The following ZNF90 variants were observed in gnomAD, a reference collection of about 807,000 sequenced individuals.
ZNF90 encodes the protein zinc finger protein HTF9.
In ZNF90, 11 loss-of-function variants were observed where a neutral mutation model predicts 12.0. The ratio of observed to expected loss-of-function variants is 0.92; its 90% CI spans 0.58 to 1.52. ZNF90 has a LOEUF of 1.52. ZNF90 is among the 40% of genes most tolerant of loss of function. ZNF90 has a pLI of 0.00. For synonymous variants in ZNF90, 232 were observed against 240.1 expected (o/e 0.97, Z 0.31); for missense variants, 765 against 711.5 (o/e 1.08, Z -0.86).
In ZNF90 at chr19:20,119,513, T is replaced by C. The variant is rs898293402; in HGVS notation, c.*153T>C. On this transcript the variant is annotated 3_prime_UTR_variant, in exon 4 of 4. Transcript: ENST00000418063. ...ATAACTCCTACAAAAATAAAGAATG[T>C]GACAAATCATTTTAAGGAAGTTCTC... The C allele has an allele frequency of 8.4e-6, 6 of 712,142 alleles. No individual in the cohort carries two copies. Among genetic ancestry groups the C allele is most frequent in the Non-Finnish European group, 1.4e-5 (6 of 440,372 alleles). 44.1% of individuals were successfully genotyped at this position (712,142 alleles called of 1,614,324 possible).
Position 20,118,992 on chromosome 19 carries a change from C to T in ZNF90, c.1438C>T (p.Leu480Phe). Residue 480 changes from leucine to phenylalanine, a missense_variant, in exon 4 of 4, where the codon CTC becomes TTC. Transcript: ENST00000418063. The part of the protein sequence containing the change: ...THKISHTEEK[L>F]YKCQECDKAF... ...TAAGATAAGTCATACTGAAGAGAAA[C>T]TCTACAAATGTCAAGAATGTGACAA... 6.2e-7 allele frequency: 1 copy of T among 1,608,374 alleles called. No homozygotes were observed. Among genetic ancestry groups the T allele is most frequent in the Non-Finnish European group, 8.5e-7 (1 of 1,176,960 alleles).
chr19:20,081,824 G>T (rs77403556), intron 1 of ZNF90, among the ~76,000 whole-genome samples: 4,987 of 150,644 alleles, frequency 0.033, 264 homozygotes, highest in East Asian at 0.23. Context: ...GAGTGCAGTG[G>T]CGAGATCTCG....
intron 1 of ZNF90, among the ~76,000 whole-genome samples, chr19:20,100,928 T>TC (rs2088984534): frequency 6.6e-6 from 1 of 152,132 alleles, no homozygotes; most frequent in African/African-American, 2.4e-5. Flanking sequence ...GTGATTGGGA[T>TC]ATAAACCCCA....
At chr19:20,117,409 TTCCTTCCTTCCTTTCTTCCTTCCC>T (rs1451425313) in intron 3 of ZNF90, among the ~76,000 whole-genome samples, 1 of 147,884 alleles carries the variant, frequency 6.8e-6, no homozygotes, top group African/African-American at 2.6e-5. Flanking sequence ...CCTTCCTTCC[TTCCTTCCTTCCTTTCTTCCTTCCC>T]TCCTTCCCTC....
chr19:20,102,936 CT>C (rs1555704021), intron 1 of ZNF90, among the ~76,000 whole-genome samples: 1 of 152,162 alleles, frequency 6.6e-6, no homozygotes, highest in East Asian at 1.9e-4. Context: ...GTTATCTGTA[CT>C]TTGAAGTTTG....
intron 1 of ZNF90, among the ~76,000 whole-genome samples, chr19:20,087,927 A>T (rs1024216920): frequency 6.6e-6 from 1 of 152,260 alleles, no homozygotes; most frequent in Middle Eastern, 3.4e-3. Flanking sequence ...AGCCAGGATG[A>T]GCCAGGAAAA....
intron 1 of ZNF90, among the ~76,000 whole-genome samples, chr19:20,089,984 C>T (rs148314971): frequency 0.015 from 2,270 of 152,110 alleles, 52 homozygotes; most frequent in African/African-American, 0.052. Context: ...TAAGAGTGAG[C>T]ATAAAAGTAA....
chr19:20,103,413 T>C (rs543751818), intron 1 of ZNF90, among the ~76,000 whole-genome samples: 2 of 152,332 alleles, frequency 1.3e-5, no homozygotes, highest in Admixed American at 6.5e-5. Context: ...AACCCTCAAC[T>C]TTTTTCTCAA....
rs2089154649 is a variant in ZNF90, at chr19:20,117,922, G to A, written c.368G>A (p.Gly123Asp). ...AAAGGTTGTGAAAGTGTGGATGAGG[G>A]TAAAGTACACAAAAGAGGTTATAAT... ...LKKGCESVDEGKVHKRGYNGL... is the reference protein window; with the variant it reads ...LKKGCESVDEDKVHKRGYNGL... The change falls in exon 4 of 4, where the codon GGT (glycine) becomes GAT (aspartate). Residue 123 changes from glycine to aspartate, a missense_variant. By Grantham distance (94) the Gly-to-Asp change is moderately conservative. Coordinates refer to ENST00000418063, the MANE Select transcript of ZNF90 (RefSeq NM_007138.2). The A allele has an allele frequency of 1.2e-6, 2 of 1,613,138 alleles. No individual in the cohort carries two copies. The highest frequency in any genetic ancestry group is 1.7e-6 in the Non-Finnish European group (2 of 1,179,728).
At chr19:20,113,682 G>A (rs1244321780) in intron 3 of ZNF90, among the ~76,000 whole-genome samples, 2 of 151,948 alleles carry the variant, frequency 1.3e-5, no homozygotes, top group Admixed American at 6.5e-5. Context: ...CAAAAAATTC[G>A]CCGGGCGTGT....
In ZNF90 at chr19:20,116,311, A is replaced by C. The variant is rs188674729; in HGVS notation, c.227-1470A>C. Among the ~76,000 whole-genome samples, 133 of 152,172 alleles carry C rather than the reference A, an allele frequency of 8.7e-4. 1 individual carries two copies. Among genetic ancestry groups the C allele is most frequent in the African/African-American group, 3.0e-3 (125 of 41,508 alleles). On this transcript the variant is annotated intron_variant, in intron 3 of 3. Transcript: ENST00000418063. Reference sequence around the variant, plus strand: ...CAGCCTCCCAAGCAGCTTGGATTACAGGCTTATGCCACCATGCCCAGTTAA... The same window carrying C: ...CAGCCTCCCAAGCAGCTTGGATTACCGGCTTATGCCACCATGCCCAGTTAA...
intron 1 of ZNF90, among the ~76,000 whole-genome samples, chr19:20,103,345 A>G (rs184462779): frequency 6.6e-6 from 1 of 152,358 alleles, no homozygotes; most frequent in East Asian, 1.9e-4. Flanking sequence ...CAGCAAGTCT[A>G]GACACATTCC....
Position 20,118,160 on chromosome 19 carries a change from A to G in ZNF90, c.606A>G (p.Lys202=). 6.2e-7 allele frequency: 1 copy of G among 1,610,572 alleles called. No homozygotes were observed. The highest frequency in any genetic ancestry group is 8.5e-7 in the Non-Finnish European group (1 of 1,178,056). The change falls in exon 4 of 4, where the codon AAA becomes AAG. Residue 202 remains lysine (K), a synonymous_variant. Transcript: ENST00000418063. ...TTCATACTGGAGAGATAACCTGCAA[A>G]TGTGAAGAATGTGGCAAAGCCTTCA... ...KKIHTGEITC[K]CEECGKAFNR... is the part of the protein sequence containing the mutation.
intron 3 of ZNF90, among the ~76,000 whole-genome samples, chr19:20,109,350 T>C (rs967174091): frequency 6.6e-6 from 1 of 152,210 alleles, no homozygotes; most frequent in Admixed American, 6.5e-5. Flanking sequence ...TAGCTGAATT[T>C]CAATGGGAGT....
rs537763461 is a variant in ZNF90 at position 20,090,221 on chromosome 19, G to A, written c.3+12086G>A. ...AGTATGACCGGACAGAAGATAGTAG[G>A]GATGACTAGTTTTTGGGGCTCGGCC... On this transcript the variant is annotated intron_variant, in intron 1 of 3. Transcript: ENST00000418063. Among the ~76,000 whole-genome samples, 13 of 152,276 alleles carry A rather than the reference G, an allele frequency of 8.5e-5. No homozygotes were observed. In the South Asian group the frequency reaches 2.7e-3, roughly 32 times the overall value.
At chr19:20,103,664 A>G (rs1016742451) in intron 1 of ZNF90, among the ~76,000 whole-genome samples, 45 of 152,198 alleles carry the variant, frequency 3.0e-4, no homozygotes, top group Non-Finnish European at 4.4e-5. Context: ...TTGGAAAATG[A>G]AGGCTCTTTG....
chr19:20,085,268 C>CTTTTTTTTTTCTTTTCTTTTT (rs56068843), intron 1 of ZNF90, among the ~76,000 whole-genome samples: 2 of 135,572 alleles, frequency 1.5e-5, no homozygotes, highest in East Asian at 5.0e-4. Context: ...TTGCATTGGT[C>CTTTTTTTTTTCTTTTCTTTTT]TTTTTTTTTT....
chr19:20,104,528 A>G (rs1270227859), intron 2 of ZNF90, among the ~76,000 whole-genome samples, 163 bp downstream of exon 2: 4 of 152,186 alleles, frequency 2.6e-5, no homozygotes, highest in Admixed American at 1.3e-4. Flanking sequence ...TTTCTTCAAG[A>G]TGTTTCATCT....
At chr19:20,115,283 GA>G in intron 3 of ZNF90, among the ~76,000 whole-genome samples, 1 of 152,108 alleles carries the variant, frequency 6.6e-6, no homozygotes, top group East Asian at 1.9e-4. Flanking sequence ...TTTATTGAAA[GA>G]ATGTCTCTTG....
Sources: gnomAD v4.1 joint callset for allele counts (sites outside exome capture counted in the v4.1 genomes callset) on GRCh38, gnomAD v4.1.1 for gene constraint, MANE v1.5 for transcripts, NCBI Gene and HGNC (gene_info 2026-07-23, HGNC 2026-07-21) for gene names.